SPOCK3: variants seen among roughly 807,000 people sequenced by gnomAD.
SPOCK3 encodes the protein testican-3.
A neutral mutation model predicts 56.6 loss-of-function variants in SPOCK3; 30 were observed. The ratio of observed to expected loss-of-function variants is 0.53; its 90% confidence interval spans 0.40 to 0.72. SPOCK3 has a LOEUF of 0.72. Ranked by LOEUF, SPOCK3 falls within the 30% of genes least tolerant of loss-of-function variation. The pLI, the probability that SPOCK3 is intolerant of heterozygous loss-of-function variation, is 0.00. For missense variants in SPOCK3, 527 were observed against 530.0 expected, an observed-to-expected ratio of 0.99 and a Z score of 0.06; for synonymous variants, 196 against 183.3, an observed-to-expected ratio of 1.07 and a Z score of -0.56.
At chr4:167,129,839 T>G (rs1339824739) in intron 2 of SPOCK3, among the ~76,000 whole-genome samples, 1 of 152,148 alleles carries the variant, frequency 6.6e-6, no homozygotes, top group Non-Finnish European at 1.5e-5. Context: ...GGGTGAGATA[T>G]ATATTATTTA....
chr4:166,880,316 T>C lies in SPOCK3; in HGVS notation c.589+8814A>G, dbSNP rs17052646. Among the ~76,000 whole-genome samples, 1,224 of 152,262 alleles carry C rather than the reference T, an allele frequency of 8.0e-3. 15 individuals carry two copies. The highest frequency in any genetic ancestry group is 0.027 in the African/African-American group (1,131 of 41,532). Reference sequence around the variant, plus strand: ...TTTCAAGTCAGAATTATTCCTCAGCTTCTGGTACACTGTTCTCTCCTGTTT... The same window carrying C: ...TTTCAAGTCAGAATTATTCCTCAGCCTCTGGTACACTGTTCTCTCCTGTTT... On this transcript the variant is annotated intron_variant, in intron 6 of 10. Coordinates refer to ENST00000357545, the MANE Select transcript of SPOCK3 (RefSeq NM_001040159.2).
At chr4:167,190,479 T>C (rs1732382328) in intron 2 of SPOCK3, among the ~76,000 whole-genome samples, 1 of 146,450 alleles carries the variant, frequency 6.8e-6, no homozygotes, top group African/African-American at 2.6e-5. Context: ...TGTTTTGGCA[T>C]ATTGAGTTGC....
chr4:166,977,088 G>A (rs1465917296), intron 4 of SPOCK3, among the ~76,000 whole-genome samples: 1 of 151,988 alleles, frequency 6.6e-6, no homozygotes, highest in Admixed American at 6.6e-5. Context: ...AAAAAACAGA[G>A]CATCTGGTGA....
At chr4:167,097,533 T>A in intron 2 of SPOCK3, among the ~76,000 whole-genome samples, 1 of 151,780 alleles carries the variant, frequency 6.6e-6, no homozygotes, top group East Asian at 1.9e-4. Context: ...TCTGCCACCT[T>A]ACAATTAATT....
intron 6 of SPOCK3, among the ~76,000 whole-genome samples, chr4:166,841,330 CAGAATA>C (rs1472713251): frequency 3.9e-5 from 6 of 151,940 alleles, no homozygotes; most frequent in African/African-American, 1.5e-4. Context: ...TAGGATGTCA[CAGAATA>C]AGAATAATAA....
intron 5 of SPOCK3, among the ~76,000 whole-genome samples, chr4:166,908,272 TCACA>T (rs5863846): frequency 0.22 from 30,632 of 138,220 alleles, 3,239 homozygotes; most frequent in Non-Finnish European, 0.26. Flanking sequence ...ATGTTATTGT[TCACA>T]CACACACACA....
chr4:166,740,461 C>A (rs1170824449), intron 9 of SPOCK3, among the ~76,000 whole-genome samples: 1 of 150,278 alleles, frequency 6.7e-6, no homozygotes, highest in Non-Finnish European at 1.5e-5. Context: ...CATGGCTAAA[C>A]TTTGATTTGC....
intron 4 of SPOCK3, among the ~76,000 whole-genome samples, chr4:166,976,651 T>C (rs1745978311): frequency 6.6e-6 from 1 of 152,140 alleles, no homozygotes; most frequent in Non-Finnish European, 1.5e-5. Context: ...ACCAATACTC[T>C]CTGTCCTCCT....
At chr4:167,162,005 C>T (rs576041774) in intron 2 of SPOCK3, among the ~76,000 whole-genome samples, 2 of 151,994 alleles carry the variant, frequency 1.3e-5, no homozygotes, top group African/African-American at 2.4e-5. Flanking sequence ...CAAACCTGCA[C>T]GTTGTGCACA....
At chr4:167,225,484 A>G (rs943618837) in intron 2 of SPOCK3, among the ~76,000 whole-genome samples, 2 of 152,080 alleles carry the variant, frequency 1.3e-5, no homozygotes, top group African/African-American at 4.8e-5. Context: ...CTTTTTACCT[A>G]CCCTTTTACC....
At chr4:167,161,378 A>T (rs7660701) in intron 2 of SPOCK3, among the ~76,000 whole-genome samples, 12,472 of 152,202 alleles carry the variant, frequency 0.082, 912 homozygotes, top group African/African-American at 0.19. Flanking sequence ...ATCATTAAAA[A>T]GTCAGGAAAC....
At chr4:167,116,933 A>ATATATATATATAT (rs1761476545) in intron 2 of SPOCK3, among the ~76,000 whole-genome samples, 7 of 141,128 alleles carry the variant, frequency 5.0e-5, no homozygotes, top group African/African-American at 1.3e-4. Flanking sequence ...ATATATATAT[A>ATATATATATATAT]CTTTTGTGTA....
chr4:166,754,452 A>G (rs1736800452), intron 8 of SPOCK3, 56 bp downstream of exon 8: 1 of 1,562,088 alleles, frequency 6.4e-7, no homozygotes, highest in Admixed American at 1.9e-5. Context: ...TTAAAAAATA[A>G]GTAAAATTTG....
intron 4 of SPOCK3, among the ~76,000 whole-genome samples, chr4:166,935,515 A>G (rs1740308391): frequency 6.6e-6 from 1 of 152,222 alleles, no homozygotes; most frequent in Admixed American, 6.5e-5. Context: ...TTCATGAAAC[A>G]ATAACAGGCT....
chr4:167,112,394 A>C (rs2150349060), intron 2 of SPOCK3, among the ~76,000 whole-genome samples: 1 of 152,244 alleles, frequency 6.6e-6, no homozygotes, highest in African/African-American at 2.4e-5. Context: ...ATGACTAGAT[A>C]GGTACTGACT....
At chr4:166,912,449 T>C (rs555915173) in intron 5 of SPOCK3, among the ~76,000 whole-genome samples, 171 bp downstream of exon 5, 20 of 150,708 alleles carry the variant, frequency 1.3e-4, no homozygotes, top group East Asian at 1.9e-4. Flanking sequence ...AATTCTGATA[T>C]AGAAAAAACA....
intron 6 of SPOCK3, among the ~76,000 whole-genome samples, chr4:166,803,529 G>A (rs1742840703): frequency 6.6e-6 from 1 of 152,096 alleles, no homozygotes; most frequent in African/African-American, 2.4e-5. Flanking sequence ...TGGTATTCCG[G>A]GCAAACGTCT....
At chr4:166,842,191 C>CAAAGAACA (rs1017565528) in intron 6 of SPOCK3, among the ~76,000 whole-genome samples, 2 of 152,184 alleles carry the variant, frequency 1.3e-5, no homozygotes, top group African/African-American at 2.4e-5. Flanking sequence ...AGATTTATTG[C>CAAAGAACA]AAAGAACAAA....
intron 2 of SPOCK3, among the ~76,000 whole-genome samples, chr4:167,177,679 A>C (rs1407151170): frequency 6.6e-6 from 1 of 152,168 alleles, no homozygotes; most frequent in Non-Finnish European, 1.5e-5. Context: ...AAGCTAACAA[A>C]GCAGCAATCA....
Sources: gnomAD v4.1 joint callset for allele counts (sites outside exome capture counted in the v4.1 genomes callset) on GRCh38, gnomAD v4.1.1 for gene constraint, MANE v1.5 for transcripts, NCBI Gene and HGNC (gene_info 2026-07-23, HGNC 2026-07-21) for gene names.